The following NCOR1 variants were observed in gnomAD, a reference collection of about 807,000 sequenced individuals.
The protein encoded by NCOR1 is nuclear receptor corepressor 1.
In NCOR1, 63 loss-of-function variants were observed where a neutral mutation model predicts 288.1. The ratio of observed to expected loss-of-function variants is 0.22; its 90% CI spans 0.18 to 0.27. The LOEUF is 0.27. Ranked by LOEUF, NCOR1 falls within the 10% of genes least tolerant of loss-of-function variation. The probability of loss-of-function intolerance (pLI) is 1.00; values close to 1 mark genes in which losing one functional copy is unlikely to be tolerated. For synonymous variants in NCOR1, 1,007 were observed against 1,065.9 expected (o/e 0.94, Z 1.08); for missense variants, 2,397 against 3,019.2 (o/e 0.79, Z 4.83).
chr17:16,092,385 G>T (rs981345558), intron 21 of NCOR1, among the ~76,000 whole-genome samples: 1 of 151,924 alleles, frequency 6.6e-6, no homozygotes, highest in Non-Finnish European at 1.5e-5. Flanking sequence ...TACTCGGGAG[G>T]CTGACACATG....
intron 23 of NCOR1, among the ~76,000 whole-genome samples, chr17:16,082,742 A>G (rs1409063441): frequency 1.3e-5 from 2 of 151,378 alleles, no homozygotes; most frequent in Non-Finnish European, 2.9e-5. Flanking sequence ...AAAAAAGAAG[A>G]AAGTACAAGA....
At chr17:16,080,151 C>T in intron 25 of NCOR1, 87 bp from the exon 26 acceptor site, 1 of 1,097,026 alleles carries the variant, frequency 9.1e-7, no homozygotes, top group Admixed American at 2.3e-5. Flanking sequence ...GGAGAGTACT[C>T]AACTAAGAAG....
Position 16,055,912 on chromosome 17 carries a change from G to A in NCOR1, c.6392+1602C>T, listed in dbSNP as rs186520763. Among the ~76,000 whole-genome samples, 480 of 152,194 alleles carry A rather than the reference G, an allele frequency of 3.2e-3. 2 individuals are homozygous for A. Among genetic ancestry groups the A allele is most frequent in the African/African-American group, 0.011 (456 of 41,502 alleles). On this transcript the variant is annotated intron_variant, in intron 40 of 45. Coordinates refer to ENST00000268712, the MANE Select transcript of NCOR1 (RefSeq NM_006311.4). Reference sequence around the variant, plus strand: ...CGTCTAATGACTAAGTCCGAGATTTGCTTCAAAATTATCCAGTTTGGGGGT... The same window carrying A: ...CGTCTAATGACTAAGTCCGAGATTTACTTCAAAATTATCCAGTTTGGGGGT...
chr17:16,079,647 A>C (rs2063092119), intron 26 of NCOR1, among the ~76,000 whole-genome samples: 2 of 152,220 alleles, frequency 1.3e-5, no homozygotes, highest in South Asian at 4.1e-4. Context: ...TTTTCTTCTC[A>C]ATTTCTATTT....
intron 15 of NCOR1, 46 bp downstream of exon 15, chr17:16,126,019 CAAAAATAAAAATAAAAT>C: frequency 2.2e-6 from 2 of 900,296 alleles, no homozygotes; most frequent in Non-Finnish European, 3.2e-6. Flanking sequence ...CCTATATCTA[CAAAAATAAAAATAAAAT>C]AAAAATAAAC....
At chr17:16,175,824 T>C (rs1229317891) in intron 3 of NCOR1, among the ~76,000 whole-genome samples, 9 of 134,942 alleles carry the variant, frequency 6.7e-5, no homozygotes, top group African/African-American at 1.4e-4. Context: ...TTTAGAGACT[T>C]TGTCTCTTTT....
At chr17:16,129,158 T>C (rs1272884367) in intron 14 of NCOR1, among the ~76,000 whole-genome samples, 1 of 152,192 alleles carries the variant, frequency 6.6e-6, no homozygotes, top group African/African-American at 2.4e-5. Context: ...TAAAATACTT[T>C]TAGGTCATGG....
Position 16,111,781 on chromosome 17 carries a change from T to C in NCOR1, c.2056-2869A>G, listed in dbSNP as rs973617391. Among the ~76,000 whole-genome samples, 78 of 152,082 alleles carry C rather than the reference T, an allele frequency of 5.1e-4. 2 individuals are homozygous for C. The highest frequency in any genetic ancestry group is 1.5e-4 in the Non-Finnish European group (10 of 68,012). ...CAGGAGCCAGTTCCTTAAATCTCAA[T>C]CTTTCTTTCTATATATATGCATACA... is the stretch of plus-strand genomic sequence containing the variant. On this transcript the variant is annotated intron_variant, in intron 18 of 45. Coordinates refer to ENST00000268712, the MANE Select transcript of NCOR1 (RefSeq NM_006311.4).
In NCOR1 at chr17:16,061,718, C is replaced by T. The variant is rs1403583301; in HGVS notation, c.5564G>A (p.Ser1855Asn). 1 of 1,614,122 alleles carries T rather than the reference C, an allele frequency of 6.2e-7. No individual in the cohort carries two copies. The highest frequency in any genetic ancestry group is 1.7e-5 in the Admixed American group (1 of 60,012). The change falls in exon 37 of 46, where the codon AGC (serine) becomes AAC (asparagine). Residue 1855 changes from serine (S) to asparagine (N), a missense_variant. Transcript: ENST00000268712. ...CTGTTCACTAACTGCTGCTGACCTG[C>T]TTCTCAAATTTTCTTCTAACCTGGC... ...EAARLEENLR[S>N]RSAAVSEQQQ...
intron 42 of NCOR1, 40 bp from the exon 43 acceptor site, chr17:16,040,534 A>C: frequency 6.4e-7 from 1 of 1,550,984 alleles, no homozygotes; most frequent in South Asian, 1.1e-5. Flanking sequence ...AAGATGTGAT[A>C]ATCATATATA....
At chr17:16,188,884 G>T (rs2087415227) in intron 2 of NCOR1, among the ~76,000 whole-genome samples, 1 of 151,876 alleles carries the variant, frequency 6.6e-6, no homozygotes, top group Non-Finnish European at 1.5e-5. Flanking sequence ...AACTAGCCAG[G>T]CATGGTGGCA....
At chr17:16,128,716 ATTAATT>A (rs2075140598) in intron 14 of NCOR1, among the ~76,000 whole-genome samples, 1 of 152,206 alleles carries the variant, frequency 6.6e-6, no homozygotes, top group Non-Finnish European at 1.5e-5. Context: ...GAAGTAACTA[ATTAATT>A]TTAAGAAAAA....
intron 6 of NCOR1, among the ~76,000 whole-genome samples, chr17:16,155,775 C>G (rs1191496678): frequency 1.3e-5 from 2 of 152,174 alleles, no homozygotes; most frequent in Non-Finnish European, 2.9e-5. Flanking sequence ...TTACCCCATT[C>G]CTCCTTGCCT....
intron 5 of NCOR1, 31 bp from the exon 6 acceptor site, chr17:16,158,904 T>A: frequency 6.8e-7 from 1 of 1,478,898 alleles, no homozygotes; most frequent in Non-Finnish European, 9.4e-7. Flanking sequence ...GAGTCAAGCA[T>A]GTGCTGCACA....
intron 15 of NCOR1, among the ~76,000 whole-genome samples, chr17:16,123,907 G>A (rs989035746): frequency 1.3e-5 from 2 of 152,058 alleles, no homozygotes; most frequent in African/African-American, 2.4e-5. Flanking sequence ...TACATCTTAC[G>A]TATTTTCACA....
intron 5 of NCOR1, among the ~76,000 whole-genome samples, chr17:16,163,403 T>A (rs1333506560): frequency 6.6e-6 from 1 of 152,046 alleles, no homozygotes; most frequent in Non-Finnish European, 1.5e-5. Flanking sequence ...AATCAGCACA[T>A]GAAAAGATGC....
chr17:16,046,020 C>T (rs1481324348), intron 42 of NCOR1, among the ~76,000 whole-genome samples: 4 of 152,142 alleles, frequency 2.6e-5, no homozygotes, highest in Non-Finnish European at 4.4e-5. Flanking sequence ...CCTGTGTTGT[C>T]CAGGCTAATC....
rs533635165 is a variant in NCOR1 at position 16,150,649 on chromosome 17, A to G, written c.843-1132T>C. Among the ~76,000 whole-genome samples the G allele has an allele frequency of 1.2e-4, 18 of 152,194 alleles. No homozygotes were observed. The East Asian group carries it at 3.5e-3, about 29-fold the overall frequency. Reference sequence around the variant, plus strand: ...AATAAATCGGACAGAGCTGCTCTCCAGACTGTATCAGGAGAAACAGGACAC... The same window carrying G: ...AATAAATCGGACAGAGCTGCTCTCCGGACTGTATCAGGAGAAACAGGACAC... On this transcript the variant is annotated intron_variant, in intron 8 of 45. Transcript: ENST00000268712.
At chr17:16,118,910 C>T (rs2072362995) in intron 17 of NCOR1, among the ~76,000 whole-genome samples, 1 of 152,196 alleles carries the variant, frequency 6.6e-6, no homozygotes, top group African/African-American at 2.4e-5. Flanking sequence ...GTGGCAGAGA[C>T]AGGACTCAAA....
Sources: allele counts gnomAD v4.1 joint callset (sites outside exome capture counted in the v4.1 genomes callset), GRCh38; gene constraint gnomAD v4.1.1; transcripts MANE v1.5; gene names NCBI Gene and HGNC (gene_info 2026-07-23, HGNC 2026-07-21).